The following RBFOX1 variants were observed in gnomAD, a reference collection of about 807,000 sequenced individuals.
RBFOX1 encodes RNA binding fox-1 homolog 1.
Under a neutral mutation model 57.7 loss-of-function variants are expected in RBFOX1, and 8 were observed. The observed-to-expected ratio is 0.14, with a 90% CI of 0.08 to 0.25. The LOEUF (loss-of-function observed/expected upper bound fraction) is 0.25, where lower values mean the gene tolerates loss of function less well. RBFOX1 is among the 10% of genes least tolerant of loss of function. The pLI, the probability that RBFOX1 is intolerant of heterozygous loss-of-function variation, is 1.00. For missense variants in RBFOX1, 611 were observed against 548.5 expected (o/e 1.11, Z -1.14); for synonymous variants, 326 against 222.4 (o/e 1.47, Z -4.15).
intron 2 of RBFOX1, among the ~76,000 whole-genome samples, chr16:6,442,048 AT>A (rs1193757922): frequency 5.9e-5 from 9 of 152,134 alleles, no homozygotes; most frequent in African/African-American, 1.2e-4. Context: ...CAAGCTTTTA[AT>A]TCTTCCAAGC....
At chr16:6,753,996 G>T (rs528032574) in intron 3 of RBFOX1, among the ~76,000 whole-genome samples, 1 of 152,122 alleles carries the variant, frequency 6.6e-6, no homozygotes, top group African/African-American at 2.4e-5. Flanking sequence ...GCTTTTTACT[G>T]GGTTGTCTTC....
At chr16:6,428,285 C>CAAAAAA (rs755273285) in intron 2 of RBFOX1, among the ~76,000 whole-genome samples, 1 of 51,222 alleles carries the variant, frequency 2.0e-5, no homozygotes, top group Non-Finnish European at 4.0e-5. Flanking sequence ...GACCTTGTCT[C>CAAAAAA]AAAAAAAAAA....
chr16:7,515,747 G>T (rs897677680), intron 4 of RBFOX1, among the ~76,000 whole-genome samples: 4 of 152,226 alleles, frequency 2.6e-5, no homozygotes, highest in Non-Finnish European at 4.4e-5. Context: ...CTGGGACTCA[G>T]TAGAAACCTC....
At chr16:6,204,504 A>G (rs1473027614) in intron 1 of RBFOX1, among the ~76,000 whole-genome samples, 2 of 152,212 alleles carry the variant, frequency 1.3e-5, no homozygotes, top group East Asian at 1.9e-4. Flanking sequence ...ACCAACAAAA[A>G]TAGACTGAAT....
At chr16:6,107,836 C>T (rs2096400806) in intron 1 of RBFOX1, among the ~76,000 whole-genome samples, 1 of 152,018 alleles carries the variant, frequency 6.6e-6, no homozygotes. Flanking sequence ...ACTTTGAGCA[C>T]TGAGAAGGAA....
At chr16:7,572,827 A>G (rs1023802296) in intron 5 of RBFOX1, among the ~76,000 whole-genome samples, 113 of 150,852 alleles carry the variant, frequency 7.5e-4, no homozygotes, top group African/African-American at 2.5e-3. Flanking sequence ...CAACAGAGTG[A>G]GAGTCTCTCT....
intron 5 of RBFOX1, among the ~76,000 whole-genome samples, chr16:7,529,530 A>T (rs1206113169): frequency 4.6e-5 from 7 of 152,162 alleles, no homozygotes; most frequent in Non-Finnish European, 1.5e-5. Flanking sequence ...GGATTGTTAA[A>T]CCACTATTAT....
intron 2 of RBFOX1, among the ~76,000 whole-genome samples, chr16:6,421,379 G>A (rs559057273): frequency 6.8e-4 from 104 of 152,308 alleles, no homozygotes; most frequent in Admixed American, 4.1e-3. Context: ...TTATGTGAAC[G>A]TAAAAACGTT....
At chr16:5,594,614 A>G (rs1208174874) in intron 2 of RBFOX1, among the ~76,000 whole-genome samples, 1 of 152,178 alleles carries the variant, frequency 6.6e-6, no homozygotes, top group Admixed American at 6.5e-5. Context: ...AGAGGTAGAA[A>G]AGAGACAAAT....
At chr16:6,776,679 C>G (rs370990030) in intron 3 of RBFOX1, among the ~76,000 whole-genome samples, 2 of 152,082 alleles carry the variant, frequency 1.3e-5, no homozygotes, top group African/African-American at 4.8e-5. Flanking sequence ...ATAAAGGTAA[C>G]AAGGTTATAA....
chr16:6,358,525 A>AT (rs1227026825), intron 2 of RBFOX1, among the ~76,000 whole-genome samples: 2 of 152,174 alleles, frequency 1.3e-5, no homozygotes, highest in Non-Finnish European at 2.9e-5. Context: ...GAAGAGTCTC[A>AT]TTTTTTCATT....
At chr16:6,286,207 A>T (rs188400846) in intron 1 of RBFOX1, among the ~76,000 whole-genome samples, 1 of 151,816 alleles carries the variant, frequency 6.6e-6, no homozygotes, top group Non-Finnish European at 1.5e-5. Context: ...TCCATTTTTA[A>T]CCCCCCATCC....
intron 4 of RBFOX1, among the ~76,000 whole-genome samples, chr16:7,469,314 G>C (rs964882870): frequency 6.6e-6 from 1 of 151,880 alleles, no homozygotes; most frequent in Non-Finnish European, 1.5e-5. Flanking sequence ...TGCCCGCCTC[G>C]GCCTCCCAAA....
At chr16:7,442,442 A>G (rs1338346145) in intron 4 of RBFOX1, among the ~76,000 whole-genome samples, 1 of 152,150 alleles carries the variant, frequency 6.6e-6, no homozygotes, top group Non-Finnish European at 1.5e-5. Context: ...TGCATGCTGT[A>G]CAAAATTATT....
At chr16:6,438,424 G>C (rs1400477264) in intron 2 of RBFOX1, among the ~76,000 whole-genome samples, 1 of 152,148 alleles carries the variant, frequency 6.6e-6, no homozygotes. Flanking sequence ...TCCAAACTTT[G>C]CTTGACCACA....
At chr16:7,277,770 C>G (rs2095469042) in intron 4 of RBFOX1, among the ~76,000 whole-genome samples, 1 of 151,838 alleles carries the variant, frequency 6.6e-6, no homozygotes, top group Non-Finnish European at 1.5e-5. Flanking sequence ...GAAGTTTAGT[C>G]CAGTATAGAA....
At chr16:5,523,328 AT>A (rs2044098605) in intron 2 of RBFOX1, among the ~76,000 whole-genome samples, 1 of 151,942 alleles carries the variant, frequency 6.6e-6, no homozygotes, top group African/African-American at 2.4e-5. Flanking sequence ...TGATGTACCA[AT>A]TTCCAGCTGG....
At chr16:6,266,452 G>A (rs755197188) in intron 1 of RBFOX1, among the ~76,000 whole-genome samples, 6 of 152,028 alleles carry the variant, frequency 3.9e-5, no homozygotes, top group Admixed American at 2.0e-4. Context: ...AATTGCTCAC[G>A]CCTGTAATCC....
chr16:7,094,457 G>A (rs1381178739), intron 4 of RBFOX1, among the ~76,000 whole-genome samples: 2 of 152,040 alleles, frequency 1.3e-5, no homozygotes, highest in Non-Finnish European at 2.9e-5. Context: ...TTGGAGACAT[G>A]CAATGCTATT....
Sources: allele counts gnomAD v4.1 joint callset (sites outside exome capture counted in the v4.1 genomes callset), GRCh38; gene constraint gnomAD v4.1.1; transcripts MANE v1.5; gene names NCBI Gene and HGNC (gene_info 2026-07-23, HGNC 2026-07-21).